The following CAPN7 variants were observed in gnomAD, a reference collection of about 807,000 sequenced individuals.
CAPN7 encodes the protein calpain 7.
In CAPN7, 72 loss-of-function variants were observed where a neutral mutation model predicts 115.2. That is an observed-to-expected ratio of 0.63 (90% confidence interval 0.52 to 0.76). The LOEUF (loss-of-function observed/expected upper bound fraction) is 0.76. Ranked by LOEUF, CAPN7 falls within the 30% of genes least tolerant of loss-of-function variation. The probability of loss-of-function intolerance (pLI) is 0.00; values close to 1 mark genes in which losing one functional copy is unlikely to be tolerated. For missense variants in CAPN7, 905 were observed against 971.5 expected (o/e 0.93, Z 0.91); for synonymous variants, 344 against 322.3 (o/e 1.07, Z -0.72).
intron 18 of CAPN7, 169 bp from the exon 19 acceptor site, chr3:15,247,158 G>C: frequency 1.7e-6 from 1 of 589,822 alleles, no homozygotes; most frequent in South Asian, 2.3e-5. Context: ...ATAGGGGTTA[G>C]TGGAGCAAAG....
chr3:15,235,191 CA>C, intron 12 of CAPN7, 46 bp downstream of exon 12: 1 of 1,507,530 alleles, frequency 6.6e-7, no homozygotes. Flanking sequence ...TTGGATAAGA[CA>C]TTTCAGGGAT....
chr3:15,248,701 A>G (rs1695817772), intron 19 of CAPN7, among the ~76,000 whole-genome samples: 1 of 152,236 alleles, frequency 6.6e-6, no homozygotes, highest in African/African-American at 2.4e-5. Flanking sequence ...TAAAAAATAT[A>G]GAGAATACAG....
At chr3:15,246,928 A>AT in intron 18 of CAPN7, 134 bp downstream of exon 18, 1 of 717,534 alleles carries the variant, frequency 1.4e-6, no homozygotes, top group Non-Finnish European at 2.4e-6. Context: ...AATGGCCTCA[A>AT]TTTGGGTTGG....
intron 19 of CAPN7, among the ~76,000 whole-genome samples, chr3:15,248,191 TAAATA>T (rs1695784203): frequency 1.3e-5 from 2 of 151,328 alleles, no homozygotes; most frequent in Admixed American, 1.3e-4. Context: ...AATAAATAAA[TAAATA>T]AAAATAAAAA....
At chr3:15,232,456 C>A in intron 9 of CAPN7, 63 bp from the exon 10 acceptor site, 1 of 1,331,730 alleles carries the variant, frequency 7.5e-7, no homozygotes, top group Non-Finnish European at 1.0e-6. Flanking sequence ...GTTTTTATTT[C>A]TTGATAGAAA....
intron 12 of CAPN7, among the ~76,000 whole-genome samples, chr3:15,236,270 C>T (rs1193483583): frequency 2.6e-5 from 4 of 152,154 alleles, no homozygotes; most frequent in Non-Finnish European, 5.9e-5. Context: ...TCCTAGAAGC[C>T]CTTGCATGCT....
intron 12 of CAPN7, among the ~76,000 whole-genome samples, chr3:15,237,223 T>C (rs1350897825): frequency 1.3e-5 from 2 of 151,486 alleles, no homozygotes; most frequent in South Asian, 4.1e-4. Context: ...CACAAGTACT[T>C]TACCTGAGCT....
At chr3:15,228,908 C>T (rs1694497671) in intron 7 of CAPN7, 66 bp from the exon 8 acceptor site, 8 of 1,175,240 alleles carry the variant, frequency 6.8e-6, no homozygotes, top group South Asian at 2.6e-5. Flanking sequence ...GGGCAATGTA[C>T]GTATATTGCG....
intron 5 of CAPN7, 83 bp from the exon 6 acceptor site, chr3:15,223,392 G>C: frequency 1.2e-6 from 1 of 845,232 alleles, no homozygotes. Context: ...ATCATACCTT[G>C]TCATTTAAAT....
chr3:15,211,068 A>T (rs899972867), intron 1 of CAPN7: 2 of 437,864 alleles, frequency 4.6e-6, no homozygotes, highest in Non-Finnish European at 3.1e-6. Context: ...TGGAAGAAGA[A>T]TCCAGATTTT....
rs767072751 is a variant in CAPN7 at position 15,251,116 on chromosome 3, G to A, written c.2298G>A (p.Arg766=). ...TTATTCTCATTTTCTCTAAATATAG[G>A]TGTGGGTTTTGCTACCTGGAATTAG... ...GFLRKSSGDY[R]CGFCYLELEN... The change falls in exon 21 of 21, where the codon AGG becomes AGA. Residue 766 remains arginine (R), a splice_region_variant and synonymous_variant. Coordinates refer to ENST00000253693, the MANE Select transcript of CAPN7 (RefSeq NM_014296.3). 7.5e-6 allele frequency: 12 copies of A among 1,604,986 alleles called. No homozygotes were observed. The highest frequency in any genetic ancestry group is 1.0e-5 in the Non-Finnish European group (12 of 1,175,454).
At chr3:15,206,696 C>T (rs2044644758) in intron 1 of CAPN7, 99 bp downstream of exon 1, 2 of 882,242 alleles carry the variant, frequency 2.3e-6, no homozygotes, top group African/African-American at 1.8e-5. Flanking sequence ...GCTAGCGGCC[C>T]CGGCTTTGCT....
chr3:15,250,863 TAA>T (rs2125023064), intron 19 of CAPN7, 66 bp from the exon 20 acceptor site: 6 of 1,140,230 alleles, frequency 5.3e-6, no homozygotes, highest in African/African-American at 3.1e-5. Context: ...GCACTTCAGA[TAA>T]AGTTATTTTA....
chr3:15,220,078 A>G (rs9869061), intron 4 of CAPN7, among the ~76,000 whole-genome samples: 3,243 of 152,130 alleles, frequency 0.021, 130 homozygotes, highest in African/African-American at 0.073. Context: ...GTAGGCACCT[A>G]TAATCCCAGC....
intron 1 of CAPN7, among the ~76,000 whole-genome samples, chr3:15,211,285 G>A (rs1357710390): frequency 6.6e-6 from 1 of 151,724 alleles, no homozygotes; most frequent in Admixed American, 6.6e-5. Context: ...ATATTTTTTT[G>A]CGTGTGAATT....
intron 11 of CAPN7, among the ~76,000 whole-genome samples, 181 bp from the exon 12 acceptor site, chr3:15,234,844 A>C (rs77847762): frequency 6.6e-6 from 1 of 152,114 alleles, no homozygotes; most frequent in East Asian, 1.9e-4. Context: ...AACTTAAAAA[A>C]AGAGAAATGT....
intron 7 of CAPN7, 23 bp from the exon 8 acceptor site, chr3:15,228,951 A>G (rs776112885): frequency 7.8e-6 from 12 of 1,531,396 alleles, no homozygotes; most frequent in African/African-American, 1.4e-5. Flanking sequence ...GAATATGAAT[A>G]TGTTAATTAT....
At chr3:15,226,855 GA>G (rs946771172) in intron 6 of CAPN7, among the ~76,000 whole-genome samples, 237 of 142,822 alleles carry the variant, frequency 1.7e-3, no homozygotes, top group Non-Finnish European at 2.5e-3. Context: ...AGCATTCTTT[GA>G]AAAAAAAAAA....
Position 15,246,719 on chromosome 3 carries a change from T to C in CAPN7, c.2011-13T>C. The C allele has an allele frequency of 1.3e-6, 2 of 1,568,204 alleles. No homozygotes were observed. The highest frequency in any genetic ancestry group is 1.8e-6 in the Non-Finnish European group (2 of 1,140,286). ...GTGTAAAATTTATCAATACAGTCTT[T>C]TTTTAAATCTAGGTATATTCAGCAT... On this transcript the variant is annotated splice_polypyrimidine_tract_variant and intron_variant, in intron 17 of 20. Coordinates refer to ENST00000253693, the MANE Select transcript of CAPN7 (RefSeq NM_014296.3).
Sources: allele counts gnomAD v4.1 joint callset (sites outside exome capture counted in the v4.1 genomes callset), GRCh38; gene constraint gnomAD v4.1.1; transcripts MANE v1.5; gene names NCBI Gene and HGNC (gene_info 2026-07-23, HGNC 2026-07-21).